MGAM: variants seen among roughly 807,000 people sequenced by gnomAD.
MGAM encodes the protein maltase-glucoamylase, also known as alpha-1,4-glucosidase.
A neutral mutation model predicts 358.8 loss-of-function variants in MGAM; 253 were observed. The observed-to-expected ratio is 0.71, with a 90% CI of 0.64 to 0.78. The LOEUF (loss-of-function observed/expected upper bound fraction) is 0.78, where lower values mean the gene tolerates loss of function less well. Ranked by LOEUF, MGAM falls within the 30% of genes least tolerant of loss-of-function variation. MGAM has a pLI of 0.00. For missense variants in MGAM, 3,080 were observed against 3,432.6 expected (o/e 0.90, Z 2.57); for synonymous variants, 1,105 against 1,227.1 (o/e 0.90, Z 2.08).
chr7:142,045,467 T>C (rs1431137788), intron 21 of MGAM, among the ~76,000 whole-genome samples: 5 of 111,772 alleles, frequency 4.5e-5, no homozygotes, highest in South Asian at 2.5e-4. Context: ...TGATATATTA[T>C]ATATATTATA....
chr7:142,052,221 A>T, intron 24 of MGAM, 73 bp from the exon 25 acceptor site: 1 of 1,223,530 alleles, frequency 8.2e-7, no homozygotes, highest in Non-Finnish European at 1.1e-6. Context: ...TTTTTTATCG[A>T]AAAAAAAACC....
chr7:142,103,410 C>T lies in MGAM; in HGVS notation c.8155C>T (p.Pro2719Ser). Residue 2719 changes from proline (P) to serine (S), a missense_variant, in exon 70 of 71, where the codon CCC (proline) becomes TCC (serine). Pro to Ser is a moderately conservative substitution (Grantham distance 74). Transcript: ENST00000475668. ...CTCTGTGAGTGGCATGGTCATAACA[C>T]CCTCCTTCAACAATGACCCCACGAC... ...SISVSGMVIT[P>S]SFNNDPTTQV... The T allele has an allele frequency of 6.2e-7, 1 of 1,608,508 alleles. No homozygotes were observed. The highest frequency in any genetic ancestry group is 8.5e-7 in the Non-Finnish European group (1 of 1,178,066).
chr7:142,054,950 C>G, intron 27 of MGAM, 42 bp downstream of exon 27: 1 of 1,597,610 alleles, frequency 6.3e-7, no homozygotes, highest in South Asian at 1.1e-5. Flanking sequence ...TGGCTACCTG[C>G]GCCTTCGCTG....
At position 142,088,429 on chromosome 7, in the gene MGAM, G is replaced by A. The variant is rs1459394627; in HGVS notation, c.6810+1712G>A. Among the ~76,000 whole-genome samples, 2 of 128,044 alleles carry A rather than the reference G, an allele frequency of 1.6e-5. 1 individual carries two copies. Among genetic ancestry groups the A allele is most frequent in the Non-Finnish European group, 3.7e-5 (2 of 54,784 alleles). The allele number at this position is 128,044 out of a possible 152,430, so 84.0% of individuals were successfully genotyped here. A position where few individuals can be genotyped will look rare whatever the true frequency, so the allele number is the denominator to read the frequency against. On this transcript the variant is annotated intron_variant, in intron 57 of 70. Coordinates refer to ENST00000475668, the MANE Select transcript of MGAM (RefSeq NM_001365693.1). ...TATCTATCTATCTATGTATATCCAT[G>A]TACCCATCTATGTATGTATGTATGT...
chr7:142,059,616 A>T lies in MGAM; in HGVS notation c.3948+16A>T, dbSNP rs1811907542. 1 of 1,611,210 alleles carries T rather than the reference A, an allele frequency of 6.2e-7. No homozygotes were observed. Among genetic ancestry groups the T allele is most frequent in the Admixed American group, 1.7e-5 (1 of 59,868 alleles). ...CCTCATTCTGGTTAGTCCTGATGTGAATGTGTGCGGTCTGTTTGGGAGCAG... is the reference window on the plus strand; with the variant it reads ...CCTCATTCTGGTTAGTCCTGATGTGTATGTGTGCGGTCTGTTTGGGAGCAG... On this transcript the variant is annotated intron_variant, in intron 32 of 70. Coordinates refer to ENST00000475668, the MANE Select transcript of MGAM (RefSeq NM_001365693.1).
rs746049565 is a variant in MGAM, at chr7:142,061,516, T to C, written c.4123-1052T>C. Among the ~76,000 whole-genome samples, 13 of 152,284 alleles carry C rather than the reference T, an allele frequency of 8.5e-5. No homozygotes were observed. The South Asian group carries it at 1.0e-3, about 12-fold the overall frequency. On this transcript the variant is annotated intron_variant, in intron 34 of 70. Coordinates refer to ENST00000475668, the MANE Select transcript of MGAM (RefSeq NM_001365693.1). The stretch of plus-strand genomic sequence containing the variant: ...ATAGGCTGATCTGTTTCTGTTTTCT[T>C]ATGTTCCCTTTTCTGCCCTTTTTCT...
At chr7:142,047,620 A>G (rs550217096) in intron 21 of MGAM, among the ~76,000 whole-genome samples, 165 bp from the exon 22 acceptor site, 5 of 152,292 alleles carry the variant, frequency 3.3e-5, no homozygotes, top group African/African-American at 1.2e-4. Flanking sequence ...CACTGTTGAT[A>G]TTAAAGATAG....
chr7:142,081,824 A>G (rs2129052969), intron 50 of MGAM, among the ~76,000 whole-genome samples: 1 of 145,678 alleles, frequency 6.9e-6, no homozygotes, highest in African/African-American at 2.4e-5. Context: ...AGGACCACTG[A>G]AAGGAGGCAG....
intron 2 of MGAM, among the ~76,000 whole-genome samples, chr7:141,989,923 C>T (rs1554446938): frequency 2.6e-5 from 4 of 152,186 alleles, no homozygotes; most frequent in African/African-American, 9.7e-5. Context: ...TTATTATTTT[C>T]TACAAGGATT....
In MGAM at chr7:142,094,673, C is replaced by A; in HGVS notation, c.7341+19C>A. On this transcript the variant is annotated intron_variant, in intron 62 of 70. Transcript: ENST00000475668. ...ATCCTATGTGAGTGTCCTTGGGATC[C>A]TCCTAAGCACCAAGAAGGTGGGGAC... 1 of 1,612,282 alleles carries A rather than the reference C, an allele frequency of 6.2e-7. No individual in the cohort carries two copies.
chr7:142,036,388 G>A, intron 17 of MGAM, 103 bp downstream of exon 17: 1 of 842,108 alleles, frequency 1.2e-6, no homozygotes, highest in East Asian at 2.7e-5. Context: ...CTCTTACCTG[G>A]TCTTCACTTA....
intron 69 of MGAM, 77 bp downstream of exon 69, chr7:142,102,756 T>G: frequency 7.4e-7 from 1 of 1,344,448 alleles, no homozygotes. Context: ...GGGCATAAAA[T>G]ACCACCTAGA....
intron 21 of MGAM, among the ~76,000 whole-genome samples, chr7:142,041,824 C>G (rs1322887748): frequency 1.5e-5 from 2 of 135,028 alleles, no homozygotes; most frequent in Non-Finnish European, 3.1e-5. Context: ...AATCTTCCAG[C>G]AGAGGAAGCA....
chr7:142,001,551 C>T (rs1429512998), intron 1 of MGAM, among the ~76,000 whole-genome samples: 1 of 152,146 alleles, frequency 6.6e-6, no homozygotes, highest in East Asian at 1.9e-4. Flanking sequence ...CCTGGGAAAG[C>T]AAGCATTGGT....
At chr7:142,054,717 T>C (rs892971948) in intron 26 of MGAM, 37 bp from the exon 27 acceptor site, 7 of 1,609,624 alleles carry the variant, frequency 4.3e-6, no homozygotes, top group Non-Finnish European at 5.1e-6. Flanking sequence ...GTTTCAAGAG[T>C]AGTATTGTTG....
chr7:142,006,982 TC>T (rs1805215253), intron 2 of MGAM, among the ~76,000 whole-genome samples: 1 of 152,134 alleles, frequency 6.6e-6, no homozygotes, highest in South Asian at 2.1e-4. Flanking sequence ...ACTGCTGATT[TC>T]TTTGGGGCAT....
chr7:141,998,107 C>A (rs1554449366), intron 1 of MGAM, among the ~76,000 whole-genome samples: 1 of 152,128 alleles, frequency 6.6e-6, no homozygotes. Flanking sequence ...TTTGGGCCCC[C>A]ATGTGGTTTG....
rs1324274972 is a variant in MGAM, at chr7:142,067,962, ATAAATATATATATATATATATATATTTT to A, written c.5004+539_5004+566del. ...TATATATATATATATATATATATAT[ATAAATATATATATATATATATATATTTT>A]TTTTTTTTTTTTTTTGAGACAGAGT... is the stretch of plus-strand genomic sequence containing the variant. On this transcript the variant is annotated intron_variant, in intron 42 of 70. Coordinates refer to ENST00000475668, the MANE Select transcript of MGAM (RefSeq NM_001365693.1). Among the ~76,000 whole-genome samples, 16 of 36,340 alleles carry A rather than the reference ATAAATATATATATATATATATATATTTT, an allele frequency of 4.4e-4. 1 individual carries two copies. The highest frequency in any genetic ancestry group is 8.9e-4 in the East Asian group (1 of 1,122). The allele number at this position is 36,340 out of a possible 152,430, so 23.8% of individuals were successfully genotyped here. A position where few individuals can be genotyped will look rare whatever the true frequency, so the allele number is the denominator to read the frequency against.
chr7:142,085,566 G>A (rs1037111481), intron 54 of MGAM, among the ~76,000 whole-genome samples: 1 of 146,124 alleles, frequency 6.8e-6, no homozygotes, highest in African/African-American at 2.4e-5. Context: ...CCATTCCAGT[G>A]TTCGTATTTA....
Sources: allele counts gnomAD v4.1 joint callset (sites outside exome capture counted in the v4.1 genomes callset), GRCh38; gene constraint gnomAD v4.1.1; transcripts MANE v1.5; gene names NCBI Gene and HGNC (gene_info 2026-07-23, HGNC 2026-07-21).